Variants in MEOX1 observed in about 807,000 individuals in gnomAD.
MEOX1 encodes mesenchyme homeobox 1.
Under a neutral mutation model 23.2 loss-of-function variants are expected in MEOX1, and 17 were observed. The observed-to-expected ratio is 0.73, with a 90% CI of 0.50 to 1.10. The LOEUF is 1.10. Among genes scored for constraint, MEOX1 ranks in the 50% least tolerant of loss-of-function variants. The probability of loss-of-function intolerance (pLI) is 0.00; values close to 1 mark genes in which losing one functional copy is unlikely to be tolerated. For synonymous variants in MEOX1, 134 were observed against 135.1 expected (o/e 0.99, Z 0.06); for missense variants, 333 against 332.2 (o/e 1.00, Z -0.02).
chr17:43,661,323 G>T lies in MEOX1; in HGVS notation c.212C>A (p.Pro71Gln). 1 of 1,613,142 alleles carries T rather than the reference G, an allele frequency of 6.2e-7. No homozygotes were observed. The highest frequency in any genetic ancestry group is 8.5e-7 in the Non-Finnish European group (1 of 1,179,426). Residue 71 changes from proline (P) to glutamine (Q), a missense_variant, in exon 1 of 3, where the codon CCA becomes CAA. Transcript: ENST00000318579. ...DFSASCLAAT[P>Q]HSLPQEEHIF... is the part of the protein sequence containing the mutation. The stretch of plus-strand genomic sequence containing the variant: ...GTGCTCCTCCTGGGGCAGGCTGTGT[G>T]GGGTGGCTGCCAGGCAGGAGGCTGA...
intron 1 of MEOX1, among the ~76,000 whole-genome samples, chr17:43,657,058 C>CT (rs1567748412): frequency 1.4e-4 from 17 of 124,998 alleles, no homozygotes; most frequent in African/African-American, 4.7e-4. Flanking sequence ...TTCTTTCTTT[C>CT]CTTCCTTCCT....
At chr17:43,644,644 G>T (rs1482055426) in intron 1 of MEOX1, among the ~76,000 whole-genome samples, 1 of 152,236 alleles carries the variant, frequency 6.6e-6, no homozygotes, top group Non-Finnish European at 1.5e-5. Context: ...GTATGTAGGG[G>T]CCAGGCGCGG....
At chr17:43,646,210 C>A (rs1972809401) in intron 1 of MEOX1, among the ~76,000 whole-genome samples, 2 of 152,254 alleles carry the variant, frequency 1.3e-5, no homozygotes, top group South Asian at 4.1e-4. Flanking sequence ...CCAGACCCCT[C>A]CGGAAGCGGG....
chr17:43,648,598 G>A (rs1193397324), intron 1 of MEOX1, among the ~76,000 whole-genome samples: 1 of 152,152 alleles, frequency 6.6e-6, no homozygotes, highest in African/African-American at 2.4e-5. Flanking sequence ...ATGTGTAGAA[G>A]TATGGGATTG....
chr17:43,652,537 T>C (rs955564210), intron 1 of MEOX1, among the ~76,000 whole-genome samples: 6 of 152,302 alleles, frequency 3.9e-5, no homozygotes, highest in Admixed American at 3.3e-4. Context: ...ACCCACCTTA[T>C]GAAGTAGGTA....
chr17:43,643,683 A>G, intron 1 of MEOX1, 23 bp from the exon 2 acceptor site: 2 of 1,606,458 alleles, frequency 1.2e-6, no homozygotes, highest in Non-Finnish European at 1.7e-6. Context: ...GACCCCAAAC[A>G]GGAAGACATG....
chr17:43,650,681 G>A (rs12944337), intron 1 of MEOX1, among the ~76,000 whole-genome samples: 46,219 of 152,140 alleles, frequency 0.3, 8,588 homozygotes, highest in African/African-American at 0.53. Context: ...GCAAATCCTC[G>A]GAAAACGGTG....
chr17:43,661,463 G>T lies in MEOX1; in HGVS notation c.72C>A (p.Asn24Lys). ...AGGCCCCATTGCCTTCCGAGTGGGGGTTTCGAAGGCAGCCCCAGACAGGGG... is the reference window on the plus strand; with the variant it reads ...AGGCCCCATTGCCTTCCGAGTGGGGTTTTCGAAGGCAGCCCCAGACAGGGG... ...PPAPVWGCLR[N>K]PHSEGNGASG... Residue 24 changes from asparagine (N) to lysine (K), a missense_variant, in exon 1 of 3, where the codon AAC (asparagine) becomes AAA (lysine). Coordinates refer to ENST00000318579, the MANE Select transcript of MEOX1 (RefSeq NM_004527.4). 1 of 1,610,402 alleles carries T rather than the reference G, an allele frequency of 6.2e-7. No homozygotes were observed. The highest frequency in any genetic ancestry group is 1.1e-5 in the South Asian group (1 of 90,446).
At chr17:43,647,429 C>A (rs1009599400) in intron 1 of MEOX1, among the ~76,000 whole-genome samples, 5 of 152,168 alleles carry the variant, frequency 3.3e-5, no homozygotes, top group African/African-American at 1.2e-4. Context: ...GCCCAGTGTG[C>A]CTGACAGCTT....
At chr17:43,656,692 G>A (rs961131644) in intron 1 of MEOX1, among the ~76,000 whole-genome samples, 2 of 152,134 alleles carry the variant, frequency 1.3e-5, no homozygotes, top group African/African-American at 4.8e-5. Flanking sequence ...CCAGGCGGGC[G>A]ATCGGATTCA....
chr17:43,652,400 G>A (rs1045026316), intron 1 of MEOX1, among the ~76,000 whole-genome samples: 3 of 152,188 alleles, frequency 2.0e-5, no homozygotes, highest in Non-Finnish European at 4.4e-5. Flanking sequence ...GATGCAGCCA[G>A]CCAGCATCAG....
At position 43,641,669 on chromosome 17, in the gene MEOX1, G is replaced by T; in HGVS notation, c.*241C>A. On this transcript the variant is annotated 3_prime_UTR_variant, in exon 3 of 3. Coordinates refer to ENST00000318579, the MANE Select transcript of MEOX1 (RefSeq NM_004527.4). ...ATTCATCCGGCCCGGTAGGATCTCT[G>T]TCTGATTCCATGAGAGTGTGGGAGC... The T allele has an allele frequency of 2.2e-6, 1 of 448,024 alleles. No individual in the cohort carries two copies. The highest frequency in any genetic ancestry group is 3.9e-5 in the East Asian group (1 of 25,968). The allele number at this position is 448,024 out of a possible 1,614,324, so 27.8% of individuals were successfully genotyped here.
Position 43,641,928 on chromosome 17 carries a change from G to A in MEOX1, c.747C>T (p.Ala249=). Residue 249 remains alanine, a synonymous_variant, in exon 3 of 3, where the codon GCC becomes GCT. Coordinates refer to ENST00000318579, the MANE Select transcript of MEOX1 (RefSeq NM_004527.4). ...CAGAATCTCACTCTGAACTTGGAGA[G>A]GCTGTGGAGTCCCCATCCTCAGGGT... ...GQDPEDGDST[A]SPSSE is the part of the protein sequence containing the mutation. The A allele has an allele frequency of 1.9e-6, 3 of 1,613,734 alleles. No individual in the cohort carries two copies. Among genetic ancestry groups the A allele is most frequent in the Non-Finnish European group, 1.7e-6 (2 of 1,179,832 alleles).
At chr17:43,643,740 G>A (rs1269018473) in intron 1 of MEOX1, 80 bp from the exon 2 acceptor site, 2 of 1,173,738 alleles carry the variant, frequency 1.7e-6, no homozygotes. Context: ...GAGCAACTAG[G>A]CAGTCTTTAC....
chr17:43,644,371 T>C (rs1329226218), intron 1 of MEOX1, among the ~76,000 whole-genome samples: 1 of 152,240 alleles, frequency 6.6e-6, no homozygotes, highest in Non-Finnish European at 1.5e-5. Context: ...TGAAGCAGGC[T>C]GCATGTTAGA....
intron 1 of MEOX1, among the ~76,000 whole-genome samples, chr17:43,655,255 A>G (rs1483791410): frequency 6.7e-6 from 1 of 150,200 alleles, no homozygotes; most frequent in Non-Finnish European, 1.5e-5. Context: ...GGCAGATCAC[A>G]AGGTCAAGAA....
intron 1 of MEOX1, among the ~76,000 whole-genome samples, chr17:43,651,836 T>A (rs766598628): frequency 3.3e-5 from 5 of 152,238 alleles, no homozygotes; most frequent in Non-Finnish European, 7.3e-5. Context: ...GGAGCAGAGC[T>A]GAGGTGACCC....
intron 1 of MEOX1, among the ~76,000 whole-genome samples, chr17:43,649,290 CTTTTTTTTTTTTT>C (rs10694288): frequency 1.2e-5 from 1 of 86,206 alleles, no homozygotes; most frequent in African/African-American, 4.8e-5. Context: ...GGCCTTTCAG[CTTTTTTTTTTTTT>C]TTTTTTTTTT....
intron 1 of MEOX1, among the ~76,000 whole-genome samples, chr17:43,645,181 T>A (rs1972781945): frequency 7.0e-6 from 1 of 143,054 alleles, no homozygotes; most frequent in African/African-American, 2.6e-5. Context: ...CTTTTTTTTT[T>A]TTTTTTTTTT....
Sources: allele counts gnomAD v4.1 joint callset (sites outside exome capture counted in the v4.1 genomes callset), GRCh38; gene constraint gnomAD v4.1.1; transcripts MANE v1.5; gene names NCBI Gene and HGNC (gene_info 2026-07-23, HGNC 2026-07-21).